Variants in RELN observed in about 807,000 individuals in gnomAD.
RELN encodes reelin.
In RELN, 108 loss-of-function variants were observed where a neutral mutation model predicts 427.6. The observed-to-expected ratio is 0.25, with a 90% CI of 0.22 to 0.30. RELN has a LOEUF of 0.30. Among genes scored for constraint, RELN ranks in the 10% least tolerant of loss-of-function variants. The pLI is 1.00. For missense variants in RELN, 3,715 were observed against 4,302.8 expected, an observed-to-expected ratio of 0.86 and a Z score of 3.82; for synonymous variants, 1,524 against 1,513.4, an observed-to-expected ratio of 1.01 and a Z score of -0.16.
chr7:103,746,897 A>G (rs1226307087), intron 6 of RELN, among the ~76,000 whole-genome samples: 1 of 152,132 alleles, frequency 6.6e-6, no homozygotes, highest in African/African-American at 2.4e-5. Context: ...CATTTGACCC[A>G]GCCATCCCAT....
At chr7:103,645,888 C>T (rs1832787204) in intron 16 of RELN, among the ~76,000 whole-genome samples, 1 of 151,758 alleles carries the variant, frequency 6.6e-6, no homozygotes, top group Non-Finnish European at 1.5e-5. Context: ...TAGGCCACAA[C>T]ACAAGTCTCA....
intron 55 of RELN, among the ~76,000 whole-genome samples, chr7:103,497,291 C>A (rs191304074): frequency 8.5e-5 from 13 of 152,288 alleles, no homozygotes; most frequent in Admixed American, 6.5e-4. Context: ...TGATATCTAT[C>A]TGCTAAAGCA....
rs890259314 is a variant in RELN at position 103,558,064 on chromosome 7, A to G, written c.5530-15T>C. On this transcript the variant is annotated splice_polypyrimidine_tract_variant and intron_variant, in intron 36 of 64. Transcript: ENST00000428762. ...CTTAGTCCTTCCTGAAAATAAAAAC[A>G]TATACGTTAAGCAACTTTTTTTCAC... The G allele has an allele frequency of 7.4e-7, 1 of 1,345,434 alleles. No homozygotes were observed. The highest frequency in any genetic ancestry group is 1.1e-6 in the Non-Finnish European group (1 of 936,194). The allele number at this position is 1,345,434 out of a possible 1,614,324, so 83.3% of individuals were successfully genotyped here.
intron 10 of RELN, among the ~76,000 whole-genome samples, chr7:103,685,231 G>A (rs1833741032): frequency 6.6e-6 from 1 of 152,110 alleles, no homozygotes; most frequent in Non-Finnish European, 1.5e-5. Flanking sequence ...TTAAAAAATT[G>A]GTCTCGATTT....
rs528328721 is a variant in RELN, at chr7:103,731,499, T to A, written c.657-3292A>T. Among the ~76,000 whole-genome samples the A allele has an allele frequency of 3.3e-5, 5 of 152,134 alleles. No homozygotes were observed. In the South Asian group the frequency reaches 6.2e-4, roughly 19 times the overall value. On this transcript the variant is annotated intron_variant, in intron 6 of 64. Coordinates refer to ENST00000428762, the MANE Select transcript of RELN (RefSeq NM_005045.4). ...CAAATCCTCTCCTTCTATTTTTTTT[T>A]ATCTCCACTTAGACGATGCTAGAAC...
rs758320422 is a variant in RELN, at chr7:103,483,859, C to T, written c.9984-9G>A. ...AAACAAACATGATTTTGCTGAAAAA[C>T]ACAGGGAAATCATCTTTATTTTTAT... On this transcript the variant is annotated splice_polypyrimidine_tract_variant and intron_variant, in intron 61 of 64. Coordinates refer to ENST00000428762, the MANE Select transcript of RELN (RefSeq NM_005045.4). The T allele has an allele frequency of 1.4e-5, 23 of 1,612,996 alleles. No homozygotes were observed. In the African/African-American group the frequency reaches 2.7e-4, roughly 19 times the overall value.
chr7:103,828,258 G>A (rs1452185912), intron 3 of RELN, among the ~76,000 whole-genome samples: 1 of 151,954 alleles, frequency 6.6e-6, no homozygotes, highest in Admixed American at 6.6e-5. Flanking sequence ...TTTTGAGCCT[G>A]GCAGGTGTTC....
At chr7:103,632,694 T>C (rs557991013) in intron 19 of RELN, among the ~76,000 whole-genome samples, 2 of 152,270 alleles carry the variant, frequency 1.3e-5, no homozygotes, top group South Asian at 4.2e-4. Context: ...ATTTTCCTTT[T>C]GTTTGTAGGT....
chr7:103,685,356 A>T (rs1833744655), intron 10 of RELN, among the ~76,000 whole-genome samples: 1 of 152,152 alleles, frequency 6.6e-6, no homozygotes, highest in Non-Finnish European at 1.5e-5. Flanking sequence ...TGTAAGATAC[A>T]TGAGCTCTTG....
chr7:103,853,364 C>A (rs915783198), intron 2 of RELN, among the ~76,000 whole-genome samples: 5 of 151,958 alleles, frequency 3.3e-5, no homozygotes, highest in African/African-American at 1.2e-4. Context: ...TAATAAATCA[C>A]AGGTGATGAT....
In RELN at chr7:103,767,634, A is replaced by C. The variant is rs776930437; in HGVS notation, c.544+8923T>G. Among the ~76,000 whole-genome samples, 8 of 152,198 alleles carry C rather than the reference A, an allele frequency of 5.3e-5. No individual in the cohort carries two copies. The East Asian group carries it at 5.8e-4, about 11-fold the overall frequency. ...TTCAGTAATAATTGCTGCAAAAAAA[A>C]CTGATTTCTCCTAGTTCCTTTCAAG... On this transcript the variant is annotated intron_variant, in intron 4 of 64. Transcript: ENST00000428762.
intron 6 of RELN, 49 bp from the exon 7 acceptor site, chr7:103,728,256 G>T: frequency 6.6e-7 from 1 of 1,525,654 alleles, no homozygotes. Flanking sequence ...AGTAGCACAC[G>T]TGGTTTACTG....
chr7:103,768,662 T>C (rs1791486520), intron 4 of RELN, among the ~76,000 whole-genome samples: 1 of 152,160 alleles, frequency 6.6e-6, no homozygotes, highest in South Asian at 2.1e-4. Context: ...CCAAACATGA[T>C]TAAATGTTAA....
intron 3 of RELN, among the ~76,000 whole-genome samples, chr7:103,777,943 G>A (rs1293883214): frequency 3.3e-5 from 5 of 150,240 alleles, no homozygotes; most frequent in Non-Finnish European, 7.4e-5. Context: ...GTTTTGAATG[G>A]TGGAAGGGAG....
chr7:103,607,293 T>C (rs1208010363), intron 22 of RELN, among the ~76,000 whole-genome samples: 1 of 152,134 alleles, frequency 6.6e-6, no homozygotes, highest in East Asian at 1.9e-4. Flanking sequence ...TAATGTTAAT[T>C]AAGAGAAAAG....
intron 56 of RELN, among the ~76,000 whole-genome samples, chr7:103,496,213 G>C (rs1458118201): frequency 6.6e-6 from 1 of 152,170 alleles, no homozygotes; most frequent in Non-Finnish European, 1.5e-5. Context: ...TTGTCAGCCA[G>C]TGCATTAAGT....
intron 4 of RELN, among the ~76,000 whole-genome samples, chr7:103,770,065 T>C (rs1456355784): frequency 7.0e-6 from 1 of 142,526 alleles, no homozygotes; most frequent in African/African-American, 2.6e-5. Flanking sequence ...ACAGCACAAA[T>C]CTTTTTTACT....
intron 3 of RELN, among the ~76,000 whole-genome samples, chr7:103,811,784 C>G (rs1324126178): frequency 6.6e-6 from 1 of 152,168 alleles, no homozygotes; most frequent in African/African-American, 2.4e-5. Flanking sequence ...TTTCCCTTGG[C>G]AGACATAAAC....
chr7:103,668,131 G>T (rs974068407), intron 11 of RELN, among the ~76,000 whole-genome samples: 1 of 152,184 alleles, frequency 6.6e-6, no homozygotes, highest in African/African-American at 2.4e-5. Flanking sequence ...TTGGGAGGCT[G>T]AGGCATGAGG....
Sources: allele counts gnomAD v4.1 joint callset (sites outside exome capture counted in the v4.1 genomes callset), GRCh38; gene constraint gnomAD v4.1.1; transcripts MANE v1.5; gene names NCBI Gene and HGNC (gene_info 2026-07-23, HGNC 2026-07-21).